The following SAMD4A variants were observed in gnomAD, a reference collection of about 807,000 sequenced individuals.
SAMD4A encodes the protein sterile alpha motif domain containing 4A.
SAMD4A carries 33 observed loss-of-function variants against 81.3 expected under a neutral mutation model. That is an observed-to-expected ratio of 0.41 (90% CI 0.31 to 0.54). The LOEUF (loss-of-function observed/expected upper bound fraction) is 0.54. Among genes scored for constraint, SAMD4A ranks in the 20% least tolerant of loss-of-function variants. The pLI, the probability that SAMD4A is intolerant of heterozygous loss-of-function variation, is 0.37. For synonymous variants in SAMD4A, 389 were observed against 382.1 expected, an observed-to-expected ratio of 1.02 and a Z score of -0.21; for missense variants, 854 against 951.1, an observed-to-expected ratio of 0.90 and a Z score of 1.34.
chr14:54,613,137 A>AAAGGAAGGAAGG (rs66698502), intron 2 of SAMD4A, among the ~76,000 whole-genome samples: 1,850 of 144,620 alleles, frequency 0.013, 27 homozygotes, highest in African/African-American at 0.032. Context: ...AGAGAGAGAG[A>AAAGGAAGGAAGG]AAGGAAGGAA....
At chr14:54,686,574 G>T (rs1459461649) in intron 2 of SAMD4A, among the ~76,000 whole-genome samples, 1 of 147,594 alleles carries the variant, frequency 6.8e-6, no homozygotes, top group Non-Finnish European at 1.5e-5. Context: ...AAAAAAAATA[G>T]AGGAAGGGCT....
intron 2 of SAMD4A, among the ~76,000 whole-genome samples, chr14:54,603,199 T>C (rs2034107707): frequency 6.6e-6 from 1 of 152,216 alleles, no homozygotes. Flanking sequence ...CTTTAGCTCA[T>C]AGCATTTCCA....
chr14:54,694,559 T>A (rs2036531541), intron 2 of SAMD4A: 3 of 924,986 alleles, frequency 3.2e-6, no homozygotes, highest in Middle Eastern at 5.5e-4. Context: ...AGTTGGAGTG[T>A]GAATCTGGGG....
chr14:54,610,491 G>A (rs561608947), intron 2 of SAMD4A, among the ~76,000 whole-genome samples: 3 of 152,256 alleles, frequency 2.0e-5, no homozygotes, highest in Admixed American at 6.5e-5. Flanking sequence ...CTCTTTGCTC[G>A]GGGTCTGAAA....
At chr14:54,718,147 C>T (rs2037168178) in intron 3 of SAMD4A, among the ~76,000 whole-genome samples, 1 of 152,186 alleles carries the variant, frequency 6.6e-6, no homozygotes, top group African/African-American at 2.4e-5. Flanking sequence ...AAGCACTCAA[C>T]TGGGATAGAG....
At chr14:54,596,342 T>C (rs2033910125) in intron 2 of SAMD4A, among the ~76,000 whole-genome samples, 1 of 152,122 alleles carries the variant, frequency 6.6e-6, no homozygotes, top group African/African-American at 2.4e-5. Flanking sequence ...CCCAGCACTT[T>C]GAGAGGCCGA....
chr14:54,693,302 G>A (rs2036498405), intron 2 of SAMD4A: 1 of 152,164 alleles, frequency 6.6e-6, no homozygotes, highest in South Asian at 2.1e-4. Flanking sequence ...ATTGTTTATA[G>A]GTCGTCTATT....
intron 2 of SAMD4A, among the ~76,000 whole-genome samples, chr14:54,588,756 A>G (rs1435946617): frequency 1.3e-5 from 2 of 152,244 alleles, no homozygotes; most frequent in Non-Finnish European, 2.9e-5. Flanking sequence ...TTCCATGAGA[A>G]CATTTGTTTT....
At chr14:54,725,769 G>C (rs768271507) in intron 3 of SAMD4A, among the ~76,000 whole-genome samples, 1 of 152,160 alleles carries the variant, frequency 6.6e-6, no homozygotes, top group African/African-American at 2.4e-5. Context: ...CGTAGCCTTT[G>C]TTATCTACTA....
intron 2 of SAMD4A, among the ~76,000 whole-genome samples, chr14:54,583,689 A>T (rs1036502168): frequency 2.0e-5 from 3 of 152,268 alleles, no homozygotes; most frequent in Admixed American, 2.0e-4. Context: ...CAGTTTTAAG[A>T]TCTTCTTCTA....
intron 2 of SAMD4A, among the ~76,000 whole-genome samples, chr14:54,674,782 C>T (rs1329457406): frequency 6.6e-6 from 1 of 152,230 alleles, no homozygotes; most frequent in African/African-American, 2.4e-5. Context: ...GGGTCTCACT[C>T]TGTCACCCAG....
intron 2 of SAMD4A, among the ~76,000 whole-genome samples, chr14:54,593,128 A>G (rs1223899583): frequency 6.6e-6 from 1 of 152,210 alleles, no homozygotes; most frequent in African/African-American, 2.4e-5. Context: ...GCTATTTGTA[A>G]TGGATGCATG....
intron 2 of SAMD4A, among the ~76,000 whole-genome samples, chr14:54,628,264 C>T (rs903905578): frequency 6.6e-6 from 1 of 152,056 alleles, no homozygotes; most frequent in Non-Finnish European, 1.5e-5. Flanking sequence ...TGCTCTGTGT[C>T]CCTTCCTGGG....
chr14:54,723,878 G>A (rs74049625), intron 3 of SAMD4A, among the ~76,000 whole-genome samples: 2,492 of 152,222 alleles, frequency 0.016, 66 homozygotes, highest in African/African-American at 0.057. Flanking sequence ...TTAACAATTA[G>A]CATTTTTTCA....
intron 2 of SAMD4A, among the ~76,000 whole-genome samples, chr14:54,679,283 A>C (rs367950859): frequency 6.6e-6 from 1 of 152,260 alleles, no homozygotes; most frequent in Non-Finnish European, 1.5e-5. Context: ...CATGAGCAGT[A>C]TCCCTTATCA....
intron 2 of SAMD4A, among the ~76,000 whole-genome samples, chr14:54,659,734 G>T (rs775333531): frequency 2.6e-5 from 4 of 152,146 alleles, no homozygotes; most frequent in Non-Finnish European, 5.9e-5. Context: ...CCCAGCTGTT[G>T]GAGTGTGGGG....
At chr14:54,663,517 A>C (rs1475136129) in intron 2 of SAMD4A, among the ~76,000 whole-genome samples, 1 of 152,160 alleles carries the variant, frequency 6.6e-6, no homozygotes, top group Non-Finnish European at 1.5e-5. Flanking sequence ...TCTTCCTTAT[A>C]ATTTTTCTCT....
intron 7 of SAMD4A, among the ~76,000 whole-genome samples, chr14:54,763,886 G>A (rs997766527): frequency 3.9e-5 from 6 of 152,112 alleles, no homozygotes; most frequent in East Asian, 1.9e-4. Context: ...GTGAGCCTGC[G>A]CCTGTGTGTG....
chr14:54,782,142 C>T (rs1039907175), intron 11 of SAMD4A, among the ~76,000 whole-genome samples: 7 of 152,174 alleles, frequency 4.6e-5, no homozygotes, highest in Admixed American at 1.3e-4. Context: ...TTTTGGAACA[C>T]GCAATCCCAG....
Sources: gnomAD v4.1 joint callset for allele counts (sites outside exome capture counted in the v4.1 genomes callset) on GRCh38, gnomAD v4.1.1 for gene constraint, MANE v1.5 for transcripts, NCBI Gene and HGNC (gene_info 2026-07-23, HGNC 2026-07-21) for gene names.